DTNB: variants seen among roughly 807,000 people sequenced by gnomAD.
DTNB encodes the protein DTN-B.
DTNB carries 63 observed loss-of-function variants against 90.7 expected under a neutral mutation model. The observed-to-expected ratio is 0.69, with a 90% CI of 0.57 to 0.86. The LOEUF (loss-of-function observed/expected upper bound fraction) is 0.86. DTNB is among the 40% of genes least tolerant of loss of function. The pLI, the probability that DTNB is intolerant of heterozygous loss-of-function variation, is 0.00. For missense variants in DTNB, 744 were observed against 807.1 expected (o/e 0.92, Z 0.95); for synonymous variants, 277 against 286.7 (o/e 0.97, Z 0.34).
At chr2:25,397,325 G>C (rs2042633294) in intron 16 of DTNB, among the ~76,000 whole-genome samples, 1 of 141,310 alleles carries the variant, frequency 7.1e-6, no homozygotes, top group Admixed American at 7.2e-5. Context: ...ATGACAGAAA[G>C]AGACTCTGTC....
At chr2:25,540,526 G>C (rs1228291692) in intron 8 of DTNB, among the ~76,000 whole-genome samples, 1 of 151,954 alleles carries the variant, frequency 6.6e-6, no homozygotes, top group Non-Finnish European at 1.5e-5. Flanking sequence ...GCCCAGGCTG[G>C]AGTGCAACGC....
chr2:25,508,159 TC>T (rs1342311547), intron 9 of DTNB, among the ~76,000 whole-genome samples: 1 of 152,178 alleles, frequency 6.6e-6, no homozygotes, highest in African/African-American at 2.4e-5. Context: ...TTTGCCTGTT[TC>T]CCACCACTAA....
intron 16 of DTNB, among the ~76,000 whole-genome samples, chr2:25,417,604 C>G (rs1210792983): frequency 6.6e-6 from 1 of 152,118 alleles, no homozygotes; most frequent in African/African-American, 2.4e-5. Context: ...AGAGAGAGAT[C>G]AGAAGATGCT....
At chr2:25,567,586 T>G (rs1402689937) in intron 8 of DTNB, among the ~76,000 whole-genome samples, 1 of 152,244 alleles carries the variant, frequency 6.6e-6, no homozygotes, top group African/African-American at 2.4e-5. Context: ...GTAACTTTGT[T>G]CAGAGGTGGA....
chr2:25,536,693 C>T (rs796824724), intron 8 of DTNB, among the ~76,000 whole-genome samples: 5 of 152,114 alleles, frequency 3.3e-5, no homozygotes, highest in African/African-American at 9.6e-5. Context: ...GAGAGGGAGA[C>T]GGTAGAAAGA....
At chr2:25,594,117 T>C (rs149695266) in intron 6 of DTNB, among the ~76,000 whole-genome samples, 1 of 152,312 alleles carries the variant, frequency 6.6e-6, no homozygotes, top group East Asian at 1.9e-4. Context: ...ATCATACTCA[T>C]CTTCACTTAC....
chr2:25,578,683 A>G (rs186105529), intron 7 of DTNB, among the ~76,000 whole-genome samples: 6 of 152,326 alleles, frequency 3.9e-5, no homozygotes, highest in Non-Finnish European at 8.8e-5. Context: ...AATAAGAAAG[A>G]GAAGGACTGT....
intron 12 of DTNB, among the ~76,000 whole-genome samples, chr2:25,434,256 C>T (rs892468787): frequency 3.3e-5 from 5 of 152,110 alleles, no homozygotes; most frequent in African/African-American, 4.8e-5. Flanking sequence ...ACTCCCACCC[C>T]CAACCTCAGG....
chr2:25,589,367 CTTTT>C (rs1169808182), intron 6 of DTNB, among the ~76,000 whole-genome samples: 425 of 57,358 alleles, frequency 7.4e-3, no homozygotes, highest in African/African-American at 0.033. Flanking sequence ...TTTTTCTTTT[CTTTT>C]TTTTTTTTTT....
chr2:25,655,184 A>G (rs2148962983), intron 1 of DTNB, among the ~76,000 whole-genome samples: 1 of 152,332 alleles, frequency 6.6e-6, no homozygotes, highest in African/African-American at 2.4e-5. Flanking sequence ...AATTACAAAG[A>G]TTGAATTCAC....
intron 2 of DTNB, among the ~76,000 whole-genome samples, chr2:25,642,659 C>T (rs181821209): frequency 1.3e-3 from 191 of 152,156 alleles, no homozygotes; most frequent in Admixed American, 2.5e-3. Context: ...GGATTTGCCT[C>T]CCTTGCCCTT....
intron 10 of DTNB, among the ~76,000 whole-genome samples, chr2:25,457,008 TTTC>T (rs2060144428): frequency 6.6e-6 from 1 of 152,016 alleles, no homozygotes; most frequent in South Asian, 2.1e-4. Context: ...TCTAGTTTTT[TTTC>T]TTTTTTTTCT....
intron 8 of DTNB, among the ~76,000 whole-genome samples, chr2:25,563,683 G>A (rs924861596): frequency 6.6e-6 from 1 of 152,110 alleles, no homozygotes; most frequent in African/African-American, 2.4e-5. Context: ...TCCAGTTGTT[G>A]TCTCAGCACC....
intron 12 of DTNB, among the ~76,000 whole-genome samples, chr2:25,434,961 T>A (rs989246854): frequency 4.6e-5 from 7 of 152,344 alleles, no homozygotes; most frequent in African/African-American, 9.6e-5. Flanking sequence ...GTAAATTTTT[T>A]AAAAATTAAG....
chr2:25,552,283 G>A (rs916812343), intron 8 of DTNB, among the ~76,000 whole-genome samples: 2 of 152,228 alleles, frequency 1.3e-5, no homozygotes, highest in African/African-American at 4.8e-5. Context: ...TGTTTTCAGT[G>A]AGAGTGAAAG....
At chr2:25,391,242 A>C (rs1558317731) in intron 16 of DTNB, among the ~76,000 whole-genome samples, 1 of 152,188 alleles carries the variant, frequency 6.6e-6, no homozygotes, top group Non-Finnish European at 1.5e-5. Context: ...AAGCTATGAA[A>C]GAAAAACTAG....
intron 4 of DTNB, among the ~76,000 whole-genome samples, chr2:25,626,742 C>T (rs1484254398): frequency 2.0e-5 from 3 of 152,224 alleles, no homozygotes; most frequent in African/African-American, 4.8e-5. Context: ...CACTAATTCA[C>T]AGACTCCTCC....
intron 8 of DTNB, among the ~76,000 whole-genome samples, chr2:25,545,319 T>TC (rs2082181426): frequency 6.6e-6 from 1 of 152,240 alleles, no homozygotes; most frequent in Non-Finnish European, 1.5e-5. Flanking sequence ...GCTAAACCTA[T>TC]CTGTTGTGTT....
intron 9 of DTNB, among the ~76,000 whole-genome samples, chr2:25,500,625 C>T (rs1395702443): frequency 2.0e-5 from 3 of 152,096 alleles, no homozygotes; most frequent in Non-Finnish European, 4.4e-5. Flanking sequence ...CCTTGGGAGA[C>T]AGTGCTTTGC....
Sources: allele counts gnomAD v4.1 joint callset (sites outside exome capture counted in the v4.1 genomes callset), GRCh38; gene constraint gnomAD v4.1.1; transcripts MANE v1.5; gene names NCBI Gene and HGNC (gene_info 2026-07-23, HGNC 2026-07-21).